Variants in SLC47A1 observed in about 807,000 individuals in gnomAD.
SLC47A1 encodes multidrug and toxin extrusion protein 1.
In SLC47A1, 58 loss-of-function variants were observed where a neutral mutation model predicts 65.8. That is an observed-to-expected ratio of 0.88 (90% CI 0.71 to 1.10). The LOEUF is 1.10. SLC47A1 is among the 50% of genes least tolerant of loss of function. The probability of loss-of-function intolerance (pLI) is 0.00; values close to 1 mark genes in which losing one functional copy is unlikely to be tolerated. For missense variants in SLC47A1, 706 were observed against 719.2 expected (o/e 0.98, Z 0.21); for synonymous variants, 285 against 295.0 (o/e 0.97, Z 0.35).
At chr17:19,563,846 G>A (rs1013472842) in intron 12 of SLC47A1, among the ~76,000 whole-genome samples, 5 of 151,918 alleles carry the variant, frequency 3.3e-5, no homozygotes, top group African/African-American at 4.8e-5. Flanking sequence ...AAAATTAGCC[G>A]GGCGTGGTGG....
At chr17:19,571,608 C>T (rs760610229) in intron 15 of SLC47A1, 36 bp downstream of exon 15, 11 of 1,541,064 alleles carry the variant, frequency 7.1e-6, no homozygotes, top group East Asian at 4.5e-5. Flanking sequence ...AAAGGTTCCT[C>T]TCCTAGAAAA....
rs1333521628 is a variant in SLC47A1 at position 19,575,423 on chromosome 17, G to A, written c.1487-1904G>A. On this transcript the variant is annotated intron_variant, in intron 16 of 16. Transcript: ENST00000270570. ...TTCCTTTTTTTTTTTTTTTGAGATA[G>A]GGTCTTGTTCTGTCACCCAGGCTGG... 6.0e-5 allele frequency among the ~76,000 whole-genome samples: 8 copies of A among 132,694 alleles called. No individual in the cohort carries two copies. In the East Asian group the frequency reaches 1.8e-3, roughly 30 times the overall value. 87.1% of individuals were successfully genotyped at this position (132,694 alleles called of 152,430 possible). A position where few individuals can be genotyped will look rare whatever the true frequency, so the allele number is the denominator to read the frequency against.
Position 19,557,539 on chromosome 17 carries a change from C to CT in SLC47A1, c.921+1480dup, listed in dbSNP as rs1346279489. The stretch of plus-strand genomic sequence containing the variant: ...TCTTCATATACTTGTCTGATTATTT[C>CT]TTTAAGATTCATAAAAGTGGGCCCA... On this transcript the variant is annotated intron_variant, in intron 10 of 16. Transcript: ENST00000270570. The CT allele has an allele frequency of 2.5e-5, 13 of 514,356 alleles. No homozygotes were observed. The Admixed American group carries it at 2.5e-4, about 10-fold the overall frequency. The allele number at this position is 514,356 out of a possible 1,614,324, so 31.9% of individuals were successfully genotyped here.
chr17:19,543,689 A>T (rs958111352), intron 2 of SLC47A1, among the ~76,000 whole-genome samples: 1 of 152,208 alleles, frequency 6.6e-6, no homozygotes, highest in Non-Finnish European at 1.5e-5. Flanking sequence ...CATGTCATCA[A>T]TCTCAGCCAG....
intron 12 of SLC47A1, among the ~76,000 whole-genome samples, chr17:19,560,992 C>T (rs990887290): frequency 1.3e-5 from 2 of 151,796 alleles, no homozygotes; most frequent in Non-Finnish European, 2.9e-5. Flanking sequence ...CACAGTGGCT[C>T]ACGCTGGTAA....
chr17:19,542,270 G>A, intron 1 of SLC47A1, 123 bp from the exon 2 acceptor site: 1 of 521,960 alleles, frequency 1.9e-6, no homozygotes, highest in Non-Finnish European at 3.4e-6. Flanking sequence ...GGTGGCAGAG[G>A]CTCACTGAAG....
chr17:19,536,951 T>C (rs1354224093), intron 1 of SLC47A1, among the ~76,000 whole-genome samples: 4 of 152,210 alleles, frequency 2.6e-5, no homozygotes, highest in African/African-American at 9.6e-5. Context: ...GAATGGTGCT[T>C]ATTTCTCAAA....
chr17:19,555,557 A>G (rs760417407), intron 7 of SLC47A1, 36 bp from the exon 8 acceptor site: 1 of 1,589,844 alleles, frequency 6.3e-7, no homozygotes, highest in Non-Finnish European at 8.6e-7. Context: ...GAGGCGCAGG[A>G]AGGTACCTCC....
At position 19,542,584 on chromosome 17, in the gene SLC47A1, A is replaced by T. The variant is rs79823921; in HGVS notation, c.237+90A>T. On this transcript the variant is annotated intron_variant, in intron 2 of 16. Transcript: ENST00000270570. ...ACAAATCATCAAAATGTAGTGGCTGAAACCTACACAGACTTATTCTCTTAC... is the reference window on the plus strand; with the variant it reads ...ACAAATCATCAAAATGTAGTGGCTGTAACCTACACAGACTTATTCTCTTAC... The T allele has an allele frequency of 6.2e-4, 644 of 1,043,540 alleles. 5 individuals carry two copies. The East Asian group carries it at 0.016, about 26-fold the overall frequency. 64.6% of individuals were successfully genotyped at this position (1,043,540 alleles called of 1,614,324 possible).
At chr17:19,573,419 G>A (rs1012538356) in intron 16 of SLC47A1, among the ~76,000 whole-genome samples, 1 of 152,082 alleles carries the variant, frequency 6.6e-6, no homozygotes, top group East Asian at 1.9e-4. Flanking sequence ...GGTCAGTTGT[G>A]TTGTTTCTGC....
chr17:19,556,513 C>T (rs1916616350), intron 10 of SLC47A1, among the ~76,000 whole-genome samples: 1 of 151,642 alleles, frequency 6.6e-6, no homozygotes, highest in Non-Finnish European at 1.5e-5. Flanking sequence ...AGTGTGGCTA[C>T]TGCAAGGTAG....
At position 19,542,446 on chromosome 17, in the gene SLC47A1, T is replaced by A. The variant is rs1445348979; in HGVS notation, c.189T>A (p.Cys63Ter). 1 of 1,612,444 alleles carries A rather than the reference T, an allele frequency of 6.2e-7. No individual in the cohort carries two copies. The highest frequency in any genetic ancestry group is 8.5e-7 in the Non-Finnish European group (1 of 1,179,480). Reference protein sequence around the residue: ...FLISFISSVFCGHLGKLELDA... With the variant: ...FLISFISSVF ...TCAGCTTCATAAGCTCCGTGTTCTG[T>A]GGCCACCTGGGCAAGCTGGAGCTGG... The change falls in exon 2 of 17, where the codon TGT becomes TGA. Residue 63 changes from cysteine (C) to a stop codon, truncating the protein, a stop_gained. Coordinates refer to ENST00000270570, the MANE Select transcript of SLC47A1 (RefSeq NM_018242.3). LOFTEE classifies it high-confidence loss of function.
chr17:19,559,584 T>A (rs1204434960), intron 10 of SLC47A1, among the ~76,000 whole-genome samples: 1 of 152,244 alleles, frequency 6.6e-6, no homozygotes, highest in African/African-American at 2.4e-5. Flanking sequence ...CAGGCTGGAA[T>A]GTAGTGGCAC....
Position 19,577,388 on chromosome 17 carries a change from G to C in SLC47A1, c.1548G>C (p.Gln516His). The change falls in exon 17 of 17, where the codon CAG (glutamine) becomes CAC (histidine). Residue 516 changes from glutamine to histidine, a missense_variant. Coordinates refer to ENST00000270570, the MANE Select transcript of SLC47A1 (RefSeq NM_018242.3). ...ATGTTGGAAAGACAGGCGAGCCTCA[G>C]TCAGATCAGCAGATGCGCCAAGAAG... ...TNDVGKTGEP[Q>H]SDQQMRQEEP... is the part of the protein sequence containing the mutation. 1 of 1,614,208 alleles carries C rather than the reference G, an allele frequency of 6.2e-7. No individual in the cohort carries two copies. Among genetic ancestry groups the C allele is most frequent in the Non-Finnish European group, 8.5e-7 (1 of 1,180,046 alleles).
Position 19,577,416 on chromosome 17 carries a change from C to A in SLC47A1, c.1576C>A (p.Pro526Thr), listed in dbSNP as rs763733668. 2 of 1,614,044 alleles carry A rather than the reference C, an allele frequency of 1.2e-6. No individual in the cohort carries two copies. Among genetic ancestry groups the A allele is most frequent in the African/African-American group, 2.7e-5 (2 of 74,898 alleles). The change falls in exon 17 of 17, where the codon CCT becomes ACT. Residue 526 changes from proline (P) to threonine (T), a missense_variant. Pro to Thr is a conservative substitution (Grantham distance 38). Coordinates refer to ENST00000270570, the MANE Select transcript of SLC47A1 (RefSeq NM_018242.3). ...AGATCAGCAGATGCGCCAAGAAGAA[C>A]CTTTGCCGGAACATCCACAGGACGG... Reference protein sequence around the residue: ...QSDQQMRQEEPLPEHPQDGAK... With the variant: ...QSDQQMRQEETLPEHPQDGAK...
intron 16 of SLC47A1, among the ~76,000 whole-genome samples, chr17:19,574,554 G>C (rs1276476419): frequency 6.6e-6 from 1 of 152,158 alleles, no homozygotes; most frequent in East Asian, 1.9e-4. Flanking sequence ...GTTCTATAAT[G>C]ATCTTCAGGG....
chr17:19,534,623 A>G (rs1915940725), intron 1 of SLC47A1: 2 of 152,086 alleles, frequency 1.3e-5, no homozygotes, highest in African/African-American at 4.8e-5. Flanking sequence ...CTGCGAAATG[A>G]TTTCTTCAGA....
intron 2 of SLC47A1, among the ~76,000 whole-genome samples, chr17:19,544,669 C>A (rs1916239412): frequency 6.6e-6 from 1 of 152,224 alleles, no homozygotes; most frequent in Non-Finnish European, 1.5e-5. Context: ...TCCCAGTGCC[C>A]CCCAGGGTAC....
chr17:19,550,011 G>A (rs1916402242), intron 5 of SLC47A1, among the ~76,000 whole-genome samples: 2 of 152,214 alleles, frequency 1.3e-5, no homozygotes, highest in South Asian at 4.1e-4. Context: ...AGAACCTTTA[G>A]ACTTTTTTTT....
Sources: gnomAD v4.1 joint callset for allele counts (sites outside exome capture counted in the v4.1 genomes callset) on GRCh38, gnomAD v4.1.1 for gene constraint, MANE v1.5 for transcripts, NCBI Gene and HGNC (gene_info 2026-07-23, HGNC 2026-07-21) for gene names.